Variants in LRCH1 observed in about 807,000 individuals in gnomAD.
The protein encoded by LRCH1 is leucine rich repeats and calponin homology domain containing 1, also known as leucine-rich repeat and calponin homology domain-containing protein 1.
LRCH1 carries 23 observed loss-of-function variants against 94.9 expected under a neutral mutation model. The ratio of observed to expected loss-of-function variants is 0.24; its 90% CI spans 0.17 to 0.34. The LOEUF is 0.34. LRCH1 is among the 10% of genes least tolerant of loss of function. LRCH1 has a pLI of 1.00. For missense variants in LRCH1, 790 were observed against 945.9 expected (o/e 0.84, Z 2.16); for synonymous variants, 364 against 354.9 (o/e 1.03, Z -0.29).
chr13:46,686,509 G>A lies in LRCH1; in HGVS notation c.822+468G>A, dbSNP rs573020073. ...CAGTTTTTACACAGAAAGGCCGAGG[G>A]AAAGTTCCAGTAATATTTTGAGGTT... On this transcript the variant is annotated intron_variant, in intron 5 of 19. Transcript: ENST00000389797. 5.9e-5 allele frequency among the ~76,000 whole-genome samples: 9 copies of A among 152,240 alleles called. No homozygotes were observed. The South Asian group carries it at 1.9e-3, about 32-fold the overall frequency.
At chr13:46,573,845 A>AATATATATATATAT (rs1555269134) in intron 1 of LRCH1, among the ~76,000 whole-genome samples, 23 of 77,978 alleles carry the variant, frequency 2.9e-4, no homozygotes, top group Non-Finnish European at 3.8e-4. Context: ...ACTATAGTCA[A>AATATATATATATAT]ATATATATAT....
At chr13:46,573,866 A>ATATATATATTTTT in intron 1 of LRCH1, among the ~76,000 whole-genome samples, 57 of 63,390 alleles carry the variant, frequency 9.0e-4, no homozygotes, top group African/African-American at 2.7e-3. Context: ...ATATATATAT[A>ATATATATATTTTT]TTTTTTTTTT....
intron 4 of LRCH1, among the ~76,000 whole-genome samples, chr13:46,684,501 G>A (rs891586279): frequency 6.6e-6 from 1 of 152,056 alleles, no homozygotes; most frequent in African/African-American, 2.4e-5. Context: ...GCAAAGAATT[G>A]CTAAAGATCC....
chr13:46,668,409 CT>C (rs2051549873), intron 2 of LRCH1, among the ~76,000 whole-genome samples: 1 of 152,298 alleles, frequency 6.6e-6, no homozygotes, highest in Non-Finnish European at 1.5e-5. Context: ...CTTTCTTTCT[CT>C]TTTAGTTAGC....
intron 1 of LRCH1, among the ~76,000 whole-genome samples, chr13:46,573,027 CAG>C (rs2050257632): frequency 6.6e-6 from 1 of 152,238 alleles, no homozygotes; most frequent in Admixed American, 6.5e-5. Context: ...GCACCTGTCA[CAG>C]AGGGCTTTGG....
At chr13:46,631,893 G>A (rs2051022035) in intron 1 of LRCH1, among the ~76,000 whole-genome samples, 1 of 152,056 alleles carries the variant, frequency 6.6e-6, no homozygotes, top group Non-Finnish European at 1.5e-5. Context: ...CTCCCATTAA[G>A]TTGTTATGAG....
intron 13 of LRCH1, among the ~76,000 whole-genome samples, chr13:46,710,790 T>A (rs1342328742): frequency 6.6e-6 from 1 of 152,198 alleles, no homozygotes; most frequent in Non-Finnish European, 1.5e-5. Flanking sequence ...AAGGTGTTTT[T>A]ATATGAGCTA....
chr13:46,723,779 G>GACA (rs1304014013), intron 17 of LRCH1, among the ~76,000 whole-genome samples: 13 of 151,912 alleles, frequency 8.6e-5, no homozygotes, highest in Admixed American at 3.9e-4. Context: ...CAGCCTGGGT[G>GACA]ACAACAGTGA....
In LRCH1 at chr13:46,744,667, T is replaced by C; in HGVS notation, c.*2819T>C. 1 of 985,414 alleles carries C rather than the reference T, an allele frequency of 1.0e-6. No individual in the cohort carries two copies. The highest frequency in any genetic ancestry group is 1.2e-6 in the Non-Finnish European group (1 of 829,936). The allele number at this position is 985,414 out of a possible 1,614,324, so 61.0% of individuals were successfully genotyped here. ...AACTAGCGCGTGGTGAGCTGGGTTA[T>C]CTCTCGAAAACTCATGTAGATGCCT... On this transcript the variant is annotated 3_prime_UTR_variant, in exon 20 of 20. Transcript: ENST00000389797.
chr13:46,728,823 G>T, intron 17 of LRCH1, 24 bp from the exon 18 acceptor site: 2 of 1,579,432 alleles, frequency 1.3e-6, no homozygotes, highest in Non-Finnish European at 8.6e-7. Context: ...ATATTAACTG[G>T]CTTCCTTCTG....
chr13:46,722,512 G>T (rs1047899947), intron 16 of LRCH1, among the ~76,000 whole-genome samples: 16 of 152,146 alleles, frequency 1.1e-4, no homozygotes, highest in African/African-American at 3.9e-4. Context: ...ATAGGGAAGG[G>T]CATGTGTTTT....
chr13:46,600,618 TACACACAC>T lies in LRCH1; in HGVS notation c.307+46945_307+46952del, dbSNP rs3068695. Among the ~76,000 whole-genome samples, 23 of 143,284 alleles carry T rather than the reference TACACACAC, an allele frequency of 1.6e-4. No homozygotes were observed. The South Asian group carries it at 1.6e-3, about 10-fold the overall frequency. The allele number at this position is 143,284 out of a possible 152,430, so 94.0% of individuals were successfully genotyped here. On this transcript the variant is annotated intron_variant, in intron 1 of 19. Transcript: ENST00000389797. ...AGTTTTTTTACATCCTGACCAGATT[TACACACAC>T]ACACACACACACACACACACACACA...
At chr13:46,704,174 C>T (rs1299173061) in intron 11 of LRCH1, among the ~76,000 whole-genome samples, 3 of 151,906 alleles carry the variant, frequency 2.0e-5, no homozygotes, top group Non-Finnish European at 4.4e-5. Context: ...ATGAAAAGCC[C>T]TGGTTTTGTT....
chr13:46,599,101 A>G (rs1490553689), intron 1 of LRCH1, among the ~76,000 whole-genome samples: 2 of 152,168 alleles, frequency 1.3e-5, no homozygotes, highest in Non-Finnish European at 2.9e-5. Flanking sequence ...TTGTCTTTTT[A>G]GTATTGGCTG....
chr13:46,592,902 G>A (rs189663342), intron 1 of LRCH1, among the ~76,000 whole-genome samples: 2 of 152,176 alleles, frequency 1.3e-5, no homozygotes, highest in Non-Finnish European at 2.9e-5. Flanking sequence ...TGGGTTTATG[G>A]CTTCTGTAAG....
At chr13:46,630,704 C>A (rs1176258202) in intron 1 of LRCH1, among the ~76,000 whole-genome samples, 1 of 152,164 alleles carries the variant, frequency 6.6e-6, no homozygotes, top group Non-Finnish European at 1.5e-5. Context: ...GATTTGAATG[C>A]ATGGGGAGAG....
chr13:46,583,385 A>G (rs1641732009), intron 1 of LRCH1, among the ~76,000 whole-genome samples: 1 of 152,258 alleles, frequency 6.6e-6, no homozygotes, highest in African/African-American at 2.4e-5. Flanking sequence ...AATTAAGTCA[A>G]TGATCTATTT....
chr13:46,689,543 T>TA (rs1474359385), intron 7 of LRCH1, among the ~76,000 whole-genome samples: 1 of 152,178 alleles, frequency 6.6e-6, no homozygotes, highest in Non-Finnish European at 1.5e-5. Context: ...CTTTTATACA[T>TA]ACGCTTATTT....
intron 2 of LRCH1, among the ~76,000 whole-genome samples, chr13:46,662,646 C>A (rs9534456): frequency 0.026 from 3,927 of 152,148 alleles, 66 homozygotes; most frequent in South Asian, 0.059. Flanking sequence ...TCAAAACTGC[C>A]CTTTGAAATC....
Sources: allele counts gnomAD v4.1 joint callset (sites outside exome capture counted in the v4.1 genomes callset), GRCh38; gene constraint gnomAD v4.1.1; transcripts MANE v1.5; gene names NCBI Gene and HGNC (gene_info 2026-07-23, HGNC 2026-07-21).